TPD52L1: variants seen among roughly 807,000 people sequenced by gnomAD.
TPD52L1 encodes tumor protein D53.
TPD52L1 carries 18 observed loss-of-function variants against 28.7 expected under a neutral mutation model. The ratio of observed to expected loss-of-function variants is 0.63; its 90% CI spans 0.43 to 0.93. The LOEUF is 0.93. Among genes scored for constraint, TPD52L1 ranks in the 40% least tolerant of loss-of-function variants. TPD52L1 has a pLI of 0.00. For missense variants in TPD52L1, 203 were observed against 254.8 expected (o/e 0.80, Z 1.39); for synonymous variants, 75 against 88.8 (o/e 0.84, Z 0.88).
intron 6 of TPD52L1, among the ~76,000 whole-genome samples, chr6:125,258,483 A>G (rs574473342): frequency 6.6e-6 from 1 of 152,216 alleles, no homozygotes; most frequent in South Asian, 2.1e-4. Flanking sequence ...CAGTTTCTAA[A>G]CATTTGGTTT....
At position 125,163,655 on chromosome 6, in the gene TPD52L1, GT is replaced by G. The variant is rs1790676986; in HGVS notation, c.19+9686del. ...TAATAAGTACAACAGGCCGGGCGTGGTGGCTTATACCTGTAATCTCAGCATT... is the reference window on the plus strand; with the variant it reads ...TAATAAGTACAACAGGCCGGGCGTGGGGCTTATACCTGTAATCTCAGCATT... On this transcript the variant is annotated intron_variant, in intron 1 of 6. Coordinates refer to ENST00000534000, the MANE Select transcript of TPD52L1 (RefSeq NM_003287.4). 2.6e-5 allele frequency among the ~76,000 whole-genome samples: 4 copies of G among 151,270 alleles called. No individual in the cohort carries two copies. In the South Asian group the frequency reaches 8.3e-4, roughly 32 times the overall value.
chr6:125,171,719 T>A (rs1451828893), intron 1 of TPD52L1, among the ~76,000 whole-genome samples: 1 of 152,156 alleles, frequency 6.6e-6, no homozygotes, highest in African/African-American at 2.4e-5. Flanking sequence ...AGCCTCTAGA[T>A]GAGAGTGCAG....
intron 6 of TPD52L1, chr6:125,262,256 C>T (rs1014868087): frequency 6.6e-6 from 1 of 152,552 alleles, no homozygotes; most frequent in African/African-American, 2.4e-5. Flanking sequence ...CAAACCATAT[C>T]AAAAGGCAGT....
chr6:125,255,121 G>C (rs1475699605), intron 5 of TPD52L1, among the ~76,000 whole-genome samples: 2 of 152,078 alleles, frequency 1.3e-5, no homozygotes, highest in Non-Finnish European at 2.9e-5. Flanking sequence ...TTTTAAATCT[G>C]GGTGTCAGAA....
intron 1 of TPD52L1, among the ~76,000 whole-genome samples, chr6:125,186,116 A>G (rs1308438229): frequency 1.3e-5 from 2 of 151,962 alleles, no homozygotes; most frequent in Non-Finnish European, 2.9e-5. Context: ...CTGGTCTCGA[A>G]CTCCTGATCC....
Position 125,249,936 on chromosome 6 carries a change from T to C in TPD52L1, c.386+1553T>C, listed in dbSNP as rs183290827. 5.3e-4 allele frequency among the ~76,000 whole-genome samples: 81 copies of C among 152,238 alleles called. 1 individual carries two copies. The highest frequency in any genetic ancestry group is 1.9e-3 in the African/African-American group (80 of 41,552). ...CTAATGCCACAATAATAAAAAGTAA[T>C]TGAAATTCTTCAGAAGCAGGTGTGA... is the stretch of plus-strand genomic sequence containing the variant. On this transcript the variant is annotated intron_variant, in intron 4 of 6. Transcript: ENST00000534000.
At chr6:125,189,402 C>A (rs1478012806) in intron 1 of TPD52L1, among the ~76,000 whole-genome samples, 21 of 152,058 alleles carry the variant, frequency 1.4e-4, no homozygotes, top group Admixed American at 1.4e-3. Context: ...ACTTTGACTA[C>A]AAAGTAAAAT....
At chr6:125,213,519 T>G (rs1049746549) in intron 1 of TPD52L1, among the ~76,000 whole-genome samples, 1 of 152,146 alleles carries the variant, frequency 6.6e-6, no homozygotes, top group East Asian at 1.9e-4. Context: ...TTGGCTCTCA[T>G]TGGAGGGAGA....
At chr6:125,232,611 T>A (rs899039877) in intron 3 of TPD52L1, among the ~76,000 whole-genome samples, 47 of 152,190 alleles carry the variant, frequency 3.1e-4, no homozygotes, top group African/African-American at 1.1e-3. Flanking sequence ...GCATACTGAT[T>A]AAGCAATCAT....
At chr6:125,230,639 A>G (rs1360158788) in intron 3 of TPD52L1, among the ~76,000 whole-genome samples, 1 of 152,152 alleles carries the variant, frequency 6.6e-6, no homozygotes, top group Non-Finnish European at 1.5e-5. Flanking sequence ...TGCTCCTATG[A>G]GAAGATGTCC....
intron 1 of TPD52L1, among the ~76,000 whole-genome samples, chr6:125,208,640 T>C (rs1020360986): frequency 2.0e-5 from 3 of 152,198 alleles, no homozygotes; most frequent in African/African-American, 7.2e-5. Context: ...CGTTTGCCTT[T>C]AGCTGTGGTC....
intron 1 of TPD52L1, among the ~76,000 whole-genome samples, chr6:125,186,636 C>T (rs980728071): frequency 9.9e-5 from 15 of 152,156 alleles, no homozygotes; most frequent in Middle Eastern, 3.4e-3. Flanking sequence ...TAACTATAAG[C>T]GGAAGAAATT....
intron 1 of TPD52L1, among the ~76,000 whole-genome samples, chr6:125,166,168 ATTTGGGATGGGGG>A (rs1437452617): frequency 6.6e-6 from 1 of 152,160 alleles, no homozygotes; most frequent in Non-Finnish European, 1.5e-5. Flanking sequence ...GAAAAAGCCA[ATTTGGGATGGGGG>A]TAGTGGGAGG....
intron 1 of TPD52L1, among the ~76,000 whole-genome samples, chr6:125,172,394 C>A (rs1791464842): frequency 7.2e-6 from 1 of 139,458 alleles, no homozygotes; most frequent in Non-Finnish European, 1.5e-5. Flanking sequence ...CTCATATGAT[C>A]CTCCCATGGC....
intron 1 of TPD52L1, among the ~76,000 whole-genome samples, chr6:125,180,225 A>G (rs1239123883): frequency 2.0e-5 from 3 of 152,082 alleles, no homozygotes; most frequent in African/African-American, 4.8e-5. Context: ...GTTTATTTCT[A>G]TGTAATTATT....
chr6:125,239,467 C>T (rs559497586), intron 3 of TPD52L1, among the ~76,000 whole-genome samples: 3 of 152,242 alleles, frequency 2.0e-5, no homozygotes, highest in South Asian at 2.1e-4. Flanking sequence ...GAGAGCCAAG[C>T]GATAGGGGAA....
In TPD52L1 at chr6:125,260,973, A is replaced by T. The variant is rs1391346164; in HGVS notation, c.487-1861A>T. 12 of 44,498 alleles carry T rather than the reference A, an allele frequency of 2.7e-4. 1 individual carries two copies. Among genetic ancestry groups the T allele is most frequent in the African/African-American group, 1.6e-3 (8 of 5,128 alleles). 2.8% of individuals were successfully genotyped at this position (44,498 alleles called of 1,614,324 possible). A position where few individuals can be genotyped will look rare whatever the true frequency, so the allele number is the denominator to read the frequency against. On this transcript the variant is annotated intron_variant, in intron 6 of 6. Transcript: ENST00000534000. Reference sequence around the variant, plus strand: ...GAAAGAAAGAAAGAAAGAAAGAAAGAAAGAAAAGAAAAGAAAGAAAGAAAG... The same window carrying T: ...GAAAGAAAGAAAGAAAGAAAGAAAGTAAGAAAAGAAAAGAAAGAAAGAAAG...
chr6:125,153,997 G>A, intron 1 of TPD52L1, 27 bp downstream of exon 1: 2 of 1,600,022 alleles, frequency 1.2e-6, no homozygotes, highest in South Asian at 1.1e-5. Flanking sequence ...CGCCCCGAGA[G>A]TCAGGTCCTG....
At chr6:125,233,013 A>C (rs1796040728) in intron 3 of TPD52L1, among the ~76,000 whole-genome samples, 2 of 152,176 alleles carry the variant, frequency 1.3e-5, no homozygotes, top group Admixed American at 1.3e-4. Flanking sequence ...TTCTGTAGGC[A>C]GAAGTAGAAT....
Sources: allele counts gnomAD v4.1 joint callset (sites outside exome capture counted in the v4.1 genomes callset), GRCh38; gene constraint gnomAD v4.1.1; transcripts MANE v1.5; gene names NCBI Gene and HGNC (gene_info 2026-07-23, HGNC 2026-07-21).